Variants in LMTK2 observed in about 807,000 individuals in gnomAD.
The protein encoded by LMTK2 is lemur tail kinase 2.
Under a neutral mutation model 127.5 loss-of-function variants are expected in LMTK2, and 37 were observed. The observed-to-expected ratio is 0.29, with a 90% confidence interval of 0.22 to 0.38. LMTK2 has a LOEUF of 0.38. Among genes scored for constraint, LMTK2 ranks in the 10% least tolerant of loss-of-function variants. The pLI is 1.00. For synonymous variants in LMTK2, 819 were observed against 810.1 expected (o/e 1.01, Z -0.19); for missense variants, 1,694 against 1,920.3 (o/e 0.88, Z 2.20).
At chr7:98,203,860 C>G (rs1797745846) in intron 12 of LMTK2, 84 bp from the exon 13 acceptor site, 1 of 1,588,210 alleles carries the variant, frequency 6.3e-7, no homozygotes. Flanking sequence ...GTCTTCCGAC[C>G]TGCAGGGCGC....
rs147312394 is a variant in LMTK2 at position 98,116,686 on chromosome 7, A to G, written c.103+9406A>G. ...TGTTAACATCCTATATTAATGTAGT[A>G]CATTTGTCACAACTAAGGAACAAGT... On this transcript the variant is annotated intron_variant, in intron 1 of 13. Transcript: ENST00000297293. Among the ~76,000 whole-genome samples the G allele has an allele frequency of 5.3e-5, 8 of 152,340 alleles. No homozygotes were observed. In the East Asian group the frequency reaches 7.7e-4, roughly 15 times the overall value.
At chr7:98,124,905 T>C (rs1796421314) in intron 1 of LMTK2, among the ~76,000 whole-genome samples, 1 of 152,230 alleles carries the variant, frequency 6.6e-6, no homozygotes. Flanking sequence ...ATGTAAATAT[T>C]GACTATTTTT....
At chr7:98,191,369 T>C (rs1797521477) in intron 10 of LMTK2, among the ~76,000 whole-genome samples, 1 of 152,020 alleles carries the variant, frequency 6.6e-6, no homozygotes, top group African/African-American at 2.4e-5. Context: ...CTGGCCAACA[T>C]GGTGAAACCC....
chr7:98,154,909 T>C lies in LMTK2; in HGVS notation c.569+33T>C, dbSNP rs368308001. On this transcript the variant is annotated intron_variant, in intron 5 of 13. Coordinates refer to ENST00000297293, the MANE Select transcript of LMTK2 (RefSeq NM_014916.4). ...AACCTTGTCATGTGTTCTGTAAGAC[T>C]AGTCTGTGGTCTGTTGAAGGTCAGG... is the stretch of plus-strand genomic sequence containing the variant. 3.8e-5 allele frequency: 47 copies of C among 1,237,982 alleles called. No individual in the cohort carries two copies. The South Asian group carries it at 5.6e-4, about 15-fold the overall frequency. The allele number at this position is 1,237,982 out of a possible 1,614,324, so 76.7% of individuals were successfully genotyped here. A position where few individuals can be genotyped will look rare whatever the true frequency, so the allele number is the denominator to read the frequency against.
In LMTK2 at chr7:98,197,512, C is replaced by G. The variant is rs189269007; in HGVS notation, c.4107+2940C>G. Among the ~76,000 whole-genome samples, 8 of 152,290 alleles carry G rather than the reference C, an allele frequency of 5.3e-5. No homozygotes were observed. The East Asian group carries it at 1.5e-3, about 29-fold the overall frequency. ...AGTAGCGGGTAATGATGCTTACTTG[C>G]AATTAGTGCGACAGGGTTCCCTCCA... is the stretch of plus-strand genomic sequence containing the variant. On this transcript the variant is annotated intron_variant, in intron 11 of 13. Transcript: ENST00000297293.
chr7:98,141,029 TCACTGTGCTCCAGC>T (rs1227591703), intron 2 of LMTK2, among the ~76,000 whole-genome samples: 3 of 147,498 alleles, frequency 2.0e-5, no homozygotes, highest in Non-Finnish European at 4.5e-5. Flanking sequence ...TGTGCTCCAG[TCACTGTGCTCCAGC>T]CAGGCAACAG....
At chr7:98,164,250 C>T (rs1292342461) in intron 6 of LMTK2, among the ~76,000 whole-genome samples, 3 of 152,166 alleles carry the variant, frequency 2.0e-5, no homozygotes, top group Non-Finnish European at 1.5e-5. Context: ...GGCAGGTACA[C>T]GCCGCTCTCA....
chr7:98,133,511 T>G (rs757195792), intron 1 of LMTK2, among the ~76,000 whole-genome samples: 5 of 150,844 alleles, frequency 3.3e-5, no homozygotes, highest in African/African-American at 4.9e-5. Flanking sequence ...CTAAATAGAG[T>G]TTTTTTTTAT....
At chr7:98,140,693 A>G (rs942157893) in intron 2 of LMTK2, among the ~76,000 whole-genome samples, 23 of 152,296 alleles carry the variant, frequency 1.5e-4, no homozygotes, top group African/African-American at 3.9e-4. Context: ...TTAGAAATGC[A>G]TATACAACTT....
chr7:98,166,527 A>G (rs1797104076), intron 6 of LMTK2, among the ~76,000 whole-genome samples: 1 of 152,274 alleles, frequency 6.6e-6, no homozygotes, highest in South Asian at 2.1e-4. Flanking sequence ...CAAAAGTTTT[A>G]AAAAATTAAA....
rs1797742927 is a variant in LMTK2 at position 98,203,676 on chromosome 7, A to G, written c.4210A>G (p.Ile1404Val). Reference sequence around the variant, plus strand: ...AGGCTCTCCCTACCTGAGCAGGTGCATCAACTCCGAAAGCTCCACCGACGA... The same window carrying G: ...AGGCTCTCCCTACCTGAGCAGGTGCGTCAACTCCGAAAGCTCCACCGACGA... The part of the protein sequence containing the change: ...ASGSPYLSRC[I>V]NSESSTDEEG... Residue 1404 changes from isoleucine to valine, a missense_variant, in exon 12 of 14, where the codon ATC becomes GTC. Physicochemically the swap from Ile to Val is conservative, Grantham distance 29. This residue lies in a region of LMTK2 where 554 missense variants were observed against 567.7 expected (regional missense o/e 0.98). Coordinates refer to ENST00000297293, the MANE Select transcript of LMTK2 (RefSeq NM_014916.4). 6.2e-7 allele frequency: 1 copy of G among 1,613,786 alleles called. No individual in the cohort carries two copies. The highest frequency in any genetic ancestry group is 8.5e-7 in the Non-Finnish European group (1 of 1,179,994).
At chr7:98,181,450 G>T (rs1425230373) in intron 7 of LMTK2, among the ~76,000 whole-genome samples, 1 of 152,058 alleles carries the variant, frequency 6.6e-6, no homozygotes, top group East Asian at 1.9e-4. Flanking sequence ...AATTCATATG[G>T]ATTCTGAAGG....
intron 6 of LMTK2, among the ~76,000 whole-genome samples, chr7:98,159,965 A>G (rs1240176256): frequency 6.6e-6 from 1 of 152,212 alleles, no homozygotes; most frequent in Non-Finnish European, 1.5e-5. Flanking sequence ...GCATGATAAT[A>G]TTATTTATTG....
chr7:98,164,227 A>C (rs1797058030), intron 6 of LMTK2, among the ~76,000 whole-genome samples: 1 of 151,968 alleles, frequency 6.6e-6, no homozygotes, highest in African/African-American at 2.4e-5. Flanking sequence ...TGTTTTATAG[A>C]ACTTGTTGCC....
chr7:98,157,909 G>A (rs555990666), intron 5 of LMTK2, among the ~76,000 whole-genome samples: 23 of 152,238 alleles, frequency 1.5e-4, no homozygotes, highest in African/African-American at 5.5e-4. Context: ...ATCTGTGCAC[G>A]TGCAGACCTG....
chr7:98,158,798 A>G (rs571058146), intron 5 of LMTK2, among the ~76,000 whole-genome samples: 6 of 152,352 alleles, frequency 3.9e-5, no homozygotes, highest in South Asian at 2.1e-4. Context: ...TCAGGGATTC[A>G]TGGAACCAGT....
chr7:98,157,640 TAAAA>T (rs34715220), intron 5 of LMTK2, among the ~76,000 whole-genome samples: 4 of 114,358 alleles, frequency 3.5e-5, no homozygotes, highest in Admixed American at 2.7e-4. Flanking sequence ...GCTCCCACAT[TAAAA>T]AAAAAAAAAA....
chr7:98,176,293 G>A (rs898529900), intron 7 of LMTK2, among the ~76,000 whole-genome samples: 7 of 152,090 alleles, frequency 4.6e-5, no homozygotes, highest in South Asian at 2.1e-4. Context: ...CATTTCTTCC[G>A]ACAGGAAAGG....
intron 1 of LMTK2, among the ~76,000 whole-genome samples, chr7:98,133,764 T>C (rs1463685516): frequency 6.6e-6 from 1 of 152,130 alleles, no homozygotes; most frequent in African/African-American, 2.4e-5. Flanking sequence ...GCATAGTTCA[T>C]TGGTCTTAAC....
Sources: gnomAD v4.1 joint callset for allele counts (sites outside exome capture counted in the v4.1 genomes callset) on GRCh38, gnomAD v4.1.1 for gene constraint, gnomAD v4.1.1 regional missense constraint, MANE v1.5 for transcripts, NCBI Gene and HGNC (gene_info 2026-07-23, HGNC 2026-07-21) for gene names.